DPP6: variants seen among roughly 807,000 people sequenced by gnomAD.
DPP6 encodes A-type potassium channel modulatory protein DPP6.
DPP6 carries 69 observed loss-of-function variants against 122.6 expected under a neutral mutation model. That is an observed-to-expected ratio of 0.56 (90% CI 0.46 to 0.69). DPP6 has a LOEUF of 0.69. DPP6 is among the 30% of genes least tolerant of loss of function. DPP6 has a pLI of 0.00. For missense variants in DPP6, 928 were observed against 1,116.9 expected, an observed-to-expected ratio of 0.83 and a Z score of 2.41; for synonymous variants, 418 against 433.1, an observed-to-expected ratio of 0.97 and a Z score of 0.43.
intron 1 of DPP6, among the ~76,000 whole-genome samples, chr7:154,423,419 T>C (rs973152309): frequency 1.3e-5 from 2 of 152,126 alleles, no homozygotes; most frequent in African/African-American, 4.8e-5. Flanking sequence ...GAACAAGTCA[T>C]AAGCTCTTTT....
intron 2 of DPP6, among the ~76,000 whole-genome samples, chr7:154,458,504 C>T (rs1321309581): frequency 6.6e-6 from 1 of 152,170 alleles, no homozygotes; most frequent in African/African-American, 2.4e-5. Flanking sequence ...TTCCCCAGAA[C>T]CTCCAAGAGC....
At chr7:154,559,888 G>C (rs1586628538) in intron 4 of DPP6, among the ~76,000 whole-genome samples, 1 of 148,130 alleles carries the variant, frequency 6.8e-6, no homozygotes, top group Non-Finnish European at 1.5e-5. Context: ...CTGGGCAACA[G>C]AATGAGACCT....
chr7:153,984,279 A>G (rs1205099633), intron 1 of DPP6, among the ~76,000 whole-genome samples: 1 of 152,208 alleles, frequency 6.6e-6, no homozygotes. Context: ...AATTTCAGAA[A>G]TTATGCAGTA....
At chr7:154,155,741 A>C (rs903983602) in intron 1 of DPP6, among the ~76,000 whole-genome samples, 1 of 152,214 alleles carries the variant, frequency 6.6e-6, no homozygotes, top group Non-Finnish European at 1.5e-5. Flanking sequence ...CTGATCCCTG[A>C]AGATGTCCCT....
intron 3 of DPP6, among the ~76,000 whole-genome samples, chr7:154,515,952 C>G (rs1350980467): frequency 6.6e-6 from 1 of 152,164 alleles, no homozygotes; most frequent in Non-Finnish European, 1.5e-5. Flanking sequence ...AAAATACAAT[C>G]TATTCATTGA....
At chr7:154,596,191 G>C (rs780693908) in intron 5 of DPP6, among the ~76,000 whole-genome samples, 32 of 152,158 alleles carry the variant, frequency 2.1e-4, no homozygotes, top group Admixed American at 4.6e-4. Flanking sequence ...CCAGGATTAG[G>C]TATTCATTTC....
At chr7:154,242,577 A>G (rs553020184) in intron 1 of DPP6, among the ~76,000 whole-genome samples, 1 of 152,350 alleles carries the variant, frequency 6.6e-6, no homozygotes, top group African/African-American at 2.4e-5. Context: ...GGCAGCACAG[A>G]ACTGTAATTC....
chr7:154,479,570 A>AAAAAAAAAAG (rs572938567), intron 3 of DPP6, among the ~76,000 whole-genome samples: 65 of 101,594 alleles, frequency 6.4e-4, no homozygotes, highest in African/African-American at 1.9e-3. Flanking sequence ...AAAAAAAAAA[A>AAAAAAAAAAG]AAAAGAAAAG....
chr7:153,768,502 G>A, the DPP6 span, among the ~76,000 whole-genome samples: 1 of 152,020 alleles, frequency 6.6e-6, no homozygotes, highest in Non-Finnish European at 1.5e-5. Context: ...CAGTTGTGCT[G>A]GTTTATATAA....
At chr7:154,662,201 T>C (rs1405725423) in intron 6 of DPP6, among the ~76,000 whole-genome samples, 2 of 151,574 alleles carry the variant, frequency 1.3e-5, no homozygotes, top group Admixed American at 6.6e-5. Context: ...CTGTGGCATA[T>C]TGGCCGTAGC....
chr7:154,749,295 C>A (rs13228669), intron 8 of DPP6, among the ~76,000 whole-genome samples: 33 of 102,192 alleles, frequency 3.2e-4, no homozygotes, highest in South Asian at 3.9e-4. Context: ...AGAGGGATGG[C>A]GGCTTTACTG....
intron 5 of DPP6, among the ~76,000 whole-genome samples, chr7:154,597,073 A>G (rs1464120682): frequency 6.6e-6 from 1 of 152,164 alleles, no homozygotes; most frequent in African/African-American, 2.4e-5. Context: ...GAACTACAAA[A>G]AAACCTCAGG....
chr7:153,975,857 G>A (rs961260206), intron 1 of DPP6, among the ~76,000 whole-genome samples: 3 of 152,202 alleles, frequency 2.0e-5, no homozygotes, highest in South Asian at 2.1e-4. Flanking sequence ...ATGTGAGGTC[G>A]GAGGCAACTT....
chr7:154,841,033 A>C (rs958379373), intron 16 of DPP6, among the ~76,000 whole-genome samples: 5 of 152,264 alleles, frequency 3.3e-5, no homozygotes, highest in South Asian at 2.1e-4. Context: ...GAGATAAGAC[A>C]TAACTAGATC....
In DPP6 at chr7:154,223,098, C is replaced by T. The variant is rs1286083164; in HGVS notation, c.243+170035C>T. ...AGAGAGTCTTGGTTTCCACTCCTGT[C>T]GGCATTTGGCATTTTTGCATGTACA... On this transcript the variant is annotated intron_variant, in intron 1 of 25. Coordinates refer to ENST00000377770, the MANE Select transcript of DPP6 (RefSeq NM_130797.4). 4.0e-5 allele frequency among the ~76,000 whole-genome samples: 6 copies of T among 148,934 alleles called. No individual in the cohort carries two copies. In the East Asian group the frequency reaches 7.8e-4, roughly 19 times the overall value.
At chr7:154,278,393 A>G (rs772426603) in intron 1 of DPP6, among the ~76,000 whole-genome samples, 1 of 152,232 alleles carries the variant, frequency 6.6e-6, no homozygotes, top group Non-Finnish European at 1.5e-5. Context: ...CTTTGTTTTC[A>G]TAAGCAGCTT....
intron 1 of DPP6, among the ~76,000 whole-genome samples, chr7:154,002,240 G>A (rs57072790): frequency 0.42 from 62,857 of 151,358 alleles, 13,732 homozygotes; most frequent in Middle Eastern, 0.49. Flanking sequence ...TGTATCCTAC[G>A]GACAATGAGC....
Position 154,468,630 on chromosome 7 carries a change from A to G in DPP6, c.359-6309A>G, listed in dbSNP as rs149981644. ...AGGTTTCAGTTTATTTCCTGGATCT[A>G]AAAGAATGGAGGTAAGGACATGAAG... On this transcript the variant is annotated intron_variant, in intron 2 of 25. Coordinates refer to ENST00000377770, the MANE Select transcript of DPP6 (RefSeq NM_130797.4). Among the ~76,000 whole-genome samples, 252 of 152,332 alleles carry G rather than the reference A, an allele frequency of 1.7e-3. 1 individual carries two copies. Among genetic ancestry groups the G allele is most frequent in the African/African-American group, 5.8e-3 (242 of 41,598 alleles).
At chr7:154,858,274 C>G (rs1448984231) in intron 17 of DPP6, 1 of 152,258 alleles carries the variant, frequency 6.6e-6, no homozygotes, top group Non-Finnish European at 1.5e-5. Context: ...GCTAAGGAAG[C>G]TGAGGCACCA....
Sources: allele counts gnomAD v4.1 joint callset (sites outside exome capture counted in the v4.1 genomes callset), GRCh38; gene constraint gnomAD v4.1.1; transcripts MANE v1.5; gene names NCBI Gene and HGNC (gene_info 2026-07-23, HGNC 2026-07-21).